The following IFT74 variants were observed in gnomAD, a reference collection of about 807,000 sequenced individuals.
IFT74 encodes intraflagellar transport protein 74 homolog.
In IFT74, 92 loss-of-function variants were observed where a neutral mutation model predicts 96.7. The ratio of observed to expected loss-of-function variants is 0.95; its 90% CI spans 0.80 to 1.13. The LOEUF (loss-of-function observed/expected upper bound fraction) is 1.13. Among genes scored for constraint, IFT74 ranks in the 50% most tolerant of loss-of-function variants. The pLI is 0.00. For synonymous variants in IFT74, 223 were observed against 213.2 expected (o/e 1.05, Z -0.40); for missense variants, 811 against 698.2 (o/e 1.16, Z -1.82).
chr9:26,986,279 T>G (rs977187520), intron 6 of IFT74, among the ~76,000 whole-genome samples: 1 of 152,110 alleles, frequency 6.6e-6, no homozygotes, highest in African/African-American at 2.4e-5. Flanking sequence ...TTTTTGTTGT[T>G]GTTACTGGTG....
intron 1 of IFT74, among the ~76,000 whole-genome samples, chr9:26,949,725 A>G (rs1448706673): frequency 6.6e-6 from 1 of 152,126 alleles, no homozygotes; most frequent in East Asian, 1.9e-4. Flanking sequence ...AGGTTTTTAA[A>G]GGATCGGTTG....
At chr9:27,027,755 C>A (rs1829935151) in intron 12 of IFT74, among the ~76,000 whole-genome samples, 1 of 151,992 alleles carries the variant, frequency 6.6e-6, no homozygotes, top group African/African-American at 2.4e-5. Context: ...TCTATGAATT[C>A]TATGAATTAT....
At chr9:26,989,156 T>C (rs1827762852) in intron 7 of IFT74, among the ~76,000 whole-genome samples, 2 of 152,216 alleles carry the variant, frequency 1.3e-5, no homozygotes, top group Non-Finnish European at 2.9e-5. Flanking sequence ...TATTAATTTT[T>C]GATTGGTAAA....
intron 16 of IFT74, among the ~76,000 whole-genome samples, chr9:27,050,999 G>A (rs1300471701): frequency 6.6e-6 from 1 of 151,988 alleles, no homozygotes; most frequent in African/African-American, 2.4e-5. Context: ...CTGAACTGAC[G>A]TGAGGCTATT....
intron 8 of IFT74, among the ~76,000 whole-genome samples, chr9:27,005,992 C>T (rs971455725): frequency 2.0e-5 from 3 of 151,934 alleles, no homozygotes; most frequent in African/African-American, 4.8e-5. Context: ...TACAGGCTCC[C>T]GGCACTGCAC....
At chr9:26,986,228 A>G (rs1827626037) in intron 6 of IFT74, among the ~76,000 whole-genome samples, 1 of 152,178 alleles carries the variant, frequency 6.6e-6, no homozygotes. Context: ...CCTTGTGCTT[A>G]TCAAAAATTT....
At chr9:27,062,195 C>A (rs1056025149) in intron 19 of IFT74, among the ~76,000 whole-genome samples, 3 of 152,132 alleles carry the variant, frequency 2.0e-5, no homozygotes, top group Admixed American at 1.3e-4. Flanking sequence ...AAGTCTCACA[C>A]TGGAGTTTTG....
chr9:27,008,540 G>C (rs1340203371), intron 8 of IFT74, among the ~76,000 whole-genome samples: 2 of 152,058 alleles, frequency 1.3e-5, no homozygotes, highest in East Asian at 1.9e-4. Context: ...TGTACTTTTA[G>C]TAGAGATGGG....
At chr9:27,022,372 G>T (rs1164437092) in intron 12 of IFT74, among the ~76,000 whole-genome samples, 1 of 152,044 alleles carries the variant, frequency 6.6e-6, no homozygotes, top group Non-Finnish European at 1.5e-5. Context: ...TGTGAAGAAT[G>T]ATGATGGTGA....
At chr9:26,955,837 T>TTAA (rs1435230715), upstream of IFT74, 1 of 134,248 alleles carries the variant, frequency 7.4e-6, no homozygotes, top group Non-Finnish European at 1.6e-5. Flanking sequence ...GTTCTTAAAT[T>TTAA]AAAAAAAAAA....
At chr9:27,056,064 C>T (rs1212538212) in intron 17 of IFT74, among the ~76,000 whole-genome samples, 1 of 152,084 alleles carries the variant, frequency 6.6e-6, no homozygotes, top group Non-Finnish European at 1.5e-5. Context: ...CTACCTGAAA[C>T]TTGTCAGTGG....
At chr9:26,973,051 C>T (rs759304682) in intron 2 of IFT74, among the ~76,000 whole-genome samples, 1 of 152,120 alleles carries the variant, frequency 6.6e-6, no homozygotes, top group African/African-American at 2.4e-5. Context: ...TAAGACTGTC[C>T]ATCAATATTG....
intron 18 of IFT74, among the ~76,000 whole-genome samples, chr9:27,058,317 G>A (rs1016029074): frequency 6.6e-6 from 1 of 152,088 alleles, no homozygotes; most frequent in Admixed American, 6.5e-5. Context: ...TTGAACTCCT[G>A]GCCTCAAACT....
At chr9:27,002,137 C>CT (rs1054114518) in intron 8 of IFT74, among the ~76,000 whole-genome samples, 1 of 152,086 alleles carries the variant, frequency 6.6e-6, no homozygotes. Context: ...ACAACCAGAT[C>CT]TTTTTTTCTT....
At chr9:27,021,341 A>G (rs1327461696) in intron 12 of IFT74, among the ~76,000 whole-genome samples, 1 of 152,144 alleles carries the variant, frequency 6.6e-6, no homozygotes, top group African/African-American at 2.4e-5. Context: ...TCCTCTGGAT[A>G]GATACCTCGT....
chr9:27,050,539 T>C (rs927424282), intron 16 of IFT74, among the ~76,000 whole-genome samples: 1 of 152,218 alleles, frequency 6.6e-6, no homozygotes, highest in African/African-American at 2.4e-5. Context: ...GTGGGTGTTC[T>C]TTATGCTGGT....
intron 2 of IFT74, among the ~76,000 whole-genome samples, chr9:26,972,290 T>TG (rs1441036057): frequency 6.6e-6 from 1 of 152,188 alleles, no homozygotes; most frequent in Non-Finnish European, 1.5e-5. Flanking sequence ...TCTAACTTGG[T>TG]GGGGCGTGCT....
chr9:26,972,050 T>G (rs1242581715), intron 2 of IFT74, among the ~76,000 whole-genome samples: 1 of 152,216 alleles, frequency 6.6e-6, no homozygotes, highest in Non-Finnish European at 1.5e-5. Flanking sequence ...AGTGTCACCC[T>G]GTCTTGAAGG....
chr9:26,988,451 T>C (rs901762088), intron 6 of IFT74, among the ~76,000 whole-genome samples: 7 of 152,248 alleles, frequency 4.6e-5, no homozygotes, highest in Non-Finnish European at 8.8e-5. Flanking sequence ...CATTTATCCA[T>C]GTTAAAAATG....
Sources: allele counts gnomAD v4.1 joint callset (sites outside exome capture counted in the v4.1 genomes callset), GRCh38; gene constraint gnomAD v4.1.1; transcripts MANE v1.5; gene names NCBI Gene and HGNC (gene_info 2026-07-23, HGNC 2026-07-21).